GALNT1: variants seen among roughly 807,000 people sequenced by gnomAD.
GALNT1 encodes polypeptide N-acetylgalactosaminyltransferase 1, also known as GalNAc transferase 1.
GALNT1 carries 17 observed loss-of-function variants against 65.7 expected under a neutral mutation model. The observed-to-expected ratio is 0.26, with a 90% CI of 0.18 to 0.39. The LOEUF (loss-of-function observed/expected upper bound fraction) is 0.39. Among genes scored for constraint, GALNT1 ranks in the 10% least tolerant of loss-of-function variants. GALNT1 has a pLI of 1.00. For missense variants in GALNT1, 460 were observed against 672.8 expected (o/e 0.68, Z 3.50); for synonymous variants, 210 against 219.7 (o/e 0.96, Z 0.39).
chr18:35,588,790 GTTTA>G (rs138049141), intron 1 of GALNT1, among the ~76,000 whole-genome samples: 2,397 of 151,798 alleles, frequency 0.016, 29 homozygotes, highest in African/African-American at 0.028. Context: ...GAGGCTTTTT[GTTTA>G]TTTATTCTTA....
rs73948130 is a variant in GALNT1 at position 35,691,350 on chromosome 18, A to C, written c.1159+158A>C. ...TGAATGAAATCACACACAGTATAGA[A>C]AGTGCTTGGCAGAATGCCTAGAATA... On this transcript the variant is annotated intron_variant, in intron 8 of 11. Transcript: ENST00000269195. The C allele has an allele frequency of 1.6e-3, 832 of 525,090 alleles. 3 individuals carry two copies. Among genetic ancestry groups the C allele is most frequent in the African/African-American group, 0.015 (771 of 52,046 alleles). 32.5% of individuals were successfully genotyped at this position (525,090 alleles called of 1,614,324 possible).
intron 5 of GALNT1, among the ~76,000 whole-genome samples, chr18:35,684,969 T>A (rs912992278): frequency 6.6e-6 from 1 of 152,152 alleles, no homozygotes; most frequent in Non-Finnish European, 1.5e-5. Context: ...AATGAAAAAT[T>A]AATCCCACCA....
chr18:35,593,770 G>A (rs867694492), intron 1 of GALNT1, among the ~76,000 whole-genome samples: 7 of 151,902 alleles, frequency 4.6e-5, no homozygotes, highest in Admixed American at 2.0e-4. Context: ...GTACAGTGGC[G>A]CGATCTGGGC....
upstream of GALNT1, chr18:35,581,443 G>GGCGCCCCCGCCTCCCCC (rs2046311612): frequency 2.7e-5 from 4 of 146,484 alleles, no homozygotes; most frequent in South Asian, 7.8e-4. Context: ...GGTGAGCGCC[G>GGCGCCCCCGCCTCCCCC]GCGCCCCCGC....
Position 35,703,049 on chromosome 18 carries a change from T to C in GALNT1, c.1398+54T>C, listed in dbSNP as rs367785725. On this transcript the variant is annotated intron_variant, in intron 10 of 11. Transcript: ENST00000269195. ...GATAATTTTCAGATTGTTTTTACTTTGCCTTTTTTTTATACCATGACATCA... is the reference window on the plus strand; with the variant it reads ...GATAATTTTCAGATTGTTTTTACTTCGCCTTTTTTTTATACCATGACATCA... 3 of 1,097,214 alleles carry C rather than the reference T, an allele frequency of 2.7e-6. No individual in the cohort carries two copies. The East Asian group carries it at 7.6e-5, about 28-fold the overall frequency. 68.0% of individuals were successfully genotyped at this position (1,097,214 alleles called of 1,614,324 possible).
At chr18:35,633,990 G>C (rs2047056613) in intron 1 of GALNT1, among the ~76,000 whole-genome samples, 1 of 152,180 alleles carries the variant, frequency 6.6e-6, no homozygotes, top group Non-Finnish European at 1.5e-5. Context: ...GATACAGGAT[G>C]AAAGTTTGTC....
At chr18:35,620,224 GTGTT>G (rs2046834320) in intron 1 of GALNT1, among the ~76,000 whole-genome samples, 1 of 152,252 alleles carries the variant, frequency 6.6e-6, no homozygotes, top group South Asian at 2.1e-4. Context: ...TCCATCCGTT[GTGTT>G]TGTTTTTCAG....
chr18:35,704,007 A>C (rs1253676756), intron 11 of GALNT1, among the ~76,000 whole-genome samples: 2 of 152,228 alleles, frequency 1.3e-5, no homozygotes, highest in Non-Finnish European at 2.9e-5. Flanking sequence ...TTTAATTAAT[A>C]AAGTTCTCTG....
chr18:35,709,858 G>C lies in GALNT1; in HGVS notation c.*88G>C. 6.8e-7 allele frequency: 1 copy of C among 1,460,714 alleles called. No homozygotes were observed. The highest frequency in any genetic ancestry group is 9.3e-7 in the Non-Finnish European group (1 of 1,071,918). The allele number at this position is 1,460,714 out of a possible 1,614,324, so 90.5% of individuals were successfully genotyped here. A position where few individuals can be genotyped will look rare whatever the true frequency, so the allele number is the denominator to read the frequency against. On this transcript the variant is annotated 3_prime_UTR_variant, in exon 12 of 12. Coordinates refer to ENST00000269195, the MANE Select transcript of GALNT1 (RefSeq NM_020474.4). ...TGCCACATTCTTAAGTAGCAAAAAAGGAAAAGTGCTTTCCTCCTCTGCAGG... is the reference window on the plus strand; with the variant it reads ...TGCCACATTCTTAAGTAGCAAAAAACGAAAAGTGCTTTCCTCCTCTGCAGG...
At chr18:35,674,254 A>C (rs1237921238) in intron 3 of GALNT1, among the ~76,000 whole-genome samples, 1 of 152,184 alleles carries the variant, frequency 6.6e-6, no homozygotes, top group East Asian at 1.9e-4. Context: ...GCTCTTCTAA[A>C]TGTATTTTGC....
chr18:35,620,213 C>G (rs1412632873), intron 1 of GALNT1, among the ~76,000 whole-genome samples: 2 of 152,164 alleles, frequency 1.3e-5, no homozygotes, highest in South Asian at 2.1e-4. Flanking sequence ...GTCCTTGCAG[C>G]TCCATCCGTT....
chr18:35,588,709 C>G (rs2046407443), intron 1 of GALNT1, among the ~76,000 whole-genome samples: 2 of 151,982 alleles, frequency 1.3e-5, no homozygotes, highest in South Asian at 4.2e-4. Context: ...GCTGCTGAGT[C>G]TTTTTATTTT....
intron 1 of GALNT1, among the ~76,000 whole-genome samples, chr18:35,626,014 A>C (rs919265144): frequency 6.6e-6 from 1 of 152,098 alleles, no homozygotes; most frequent in African/African-American, 2.4e-5. Flanking sequence ...TTCCCCAGAC[A>C]TTCCCTGCAA....
At position 35,623,016 on chromosome 18, in the gene GALNT1, A is replaced by G. The variant is rs148001120; in HGVS notation, c.-103-31544A>G. 2.6e-3 allele frequency among the ~76,000 whole-genome samples: 400 copies of G among 152,212 alleles called. 1 individual carries two copies. Among genetic ancestry groups the G allele is most frequent in the African/African-American group, 9.2e-3 (382 of 41,560 alleles). ...ATTCTTTGTTCTAATCTTGTCATCT[A>G]TCACATCTTCATATTAATAAGTTGT... On this transcript the variant is annotated intron_variant, in intron 1 of 11. Transcript: ENST00000269195.
At chr18:35,663,870 A>G (rs2047509869) in intron 3 of GALNT1, 68 bp downstream of exon 3, 4 of 1,453,470 alleles carry the variant, frequency 2.8e-6, no homozygotes, top group Admixed American at 1.9e-5. Context: ...AGTAAATTGC[A>G]CTTGAGTGCT....
At chr18:35,626,953 T>C (rs1243390304) in intron 1 of GALNT1, among the ~76,000 whole-genome samples, 1 of 152,250 alleles carries the variant, frequency 6.6e-6, no homozygotes, top group Non-Finnish European at 1.5e-5. Flanking sequence ...TGGTCACTTC[T>C]ATTAGCTAGA....
At chr18:35,633,466 T>G (rs2047046530) in intron 1 of GALNT1, among the ~76,000 whole-genome samples, 1 of 150,574 alleles carries the variant, frequency 6.6e-6, no homozygotes, top group Non-Finnish European at 1.5e-5. Flanking sequence ...ACACCCCATG[T>G]TCTCACTCAT....
intron 1 of GALNT1, among the ~76,000 whole-genome samples, chr18:35,637,851 T>C (rs1424023106): frequency 6.6e-6 from 1 of 152,210 alleles, no homozygotes; most frequent in African/African-American, 2.4e-5. Context: ...TAACTTTAAG[T>C]TGAAGCCAAT....
At chr18:35,625,427 AAAAAT>A (rs2144143919) in intron 1 of GALNT1, among the ~76,000 whole-genome samples, 1 of 152,340 alleles carries the variant, frequency 6.6e-6, no homozygotes, top group African/African-American at 2.4e-5. Flanking sequence ...TGCCTATTCT[AAAAAT>A]AATTTAAGAT....
Sources: gnomAD v4.1 joint callset for allele counts (sites outside exome capture counted in the v4.1 genomes callset) on GRCh38, gnomAD v4.1.1 for gene constraint, MANE v1.5 for transcripts, NCBI Gene and HGNC (gene_info 2026-07-23, HGNC 2026-07-21) for gene names.